The following GLIPR1L1 variants were observed in gnomAD, a reference collection of about 807,000 sequenced individuals.
GLIPR1L1 encodes GLIPR1 like 1, also known as GLIPR1-like protein 1.
A neutral mutation model predicts 29.9 loss-of-function variants in GLIPR1L1; 26 were observed. The observed-to-expected ratio is 0.87, with a 90% CI of 0.64 to 1.21. GLIPR1L1 has a LOEUF of 1.21. Ranked by LOEUF, GLIPR1L1 falls within the 50% of genes most tolerant of loss-of-function variation. GLIPR1L1 has a pLI of 0.00. For synonymous variants in GLIPR1L1, 77 were observed against 97.5 expected, an observed-to-expected ratio of 0.79 and a Z score of 1.24; for missense variants, 305 against 290.3, an observed-to-expected ratio of 1.05 and a Z score of -0.37.
intron 3 of GLIPR1L1, chr12:75,360,605 G>A (rs1287839388): frequency 3.3e-5 from 5 of 152,174 alleles, no homozygotes; most frequent in Non-Finnish European, 7.3e-5. Context: ...GGTTCCCATG[G>A]CCTTAGGCAG....
intron 1 of GLIPR1L1, among the ~76,000 whole-genome samples, chr12:75,339,661 CG>C: frequency 6.6e-6 from 1 of 151,930 alleles, no homozygotes; most frequent in Non-Finnish European, 1.5e-5. Context: ...AATATTTGCC[CG>C]TGCCTATGTC....
intron 3 of GLIPR1L1, among the ~76,000 whole-genome samples, chr12:75,362,382 A>G (rs1234012844): frequency 2.0e-5 from 3 of 152,318 alleles, no homozygotes; most frequent in Admixed American, 1.3e-4. Flanking sequence ...GGGCCATGGT[A>G]TTCTCATGCA....
chr12:75,369,961 GAC>G lies in GLIPR1L1; in HGVS notation c.613_614del (p.Thr205SerfsTer7). ...EEKCVKNLCR[T>X]PQLIIPNQNP... Reference sequence around the variant, plus strand: ...TATTAACTTTAATTTTTACTTTAGGGACTCCACAACTTATTATACCTAACCGT... The same window carrying G: ...TATTAACTTTAATTTTTACTTTAGGGTCCACAACTTATTATACCTAACCGT... On this transcript the variant is annotated frameshift_variant and splice_region_variant, in exon 5 of 6. Coordinates refer to ENST00000378695, the MANE Select transcript of GLIPR1L1 (RefSeq NM_001304964.2). LOFTEE classifies it low-confidence loss of function (END_TRUNC). 2 of 1,090,252 alleles carry G rather than the reference GAC, an allele frequency of 1.8e-6. No homozygotes were observed. The highest frequency in any genetic ancestry group is 2.6e-6 in the Non-Finnish European group (2 of 775,484). 67.5% of individuals were successfully genotyped at this position (1,090,252 alleles called of 1,614,324 possible).
intron 4 of GLIPR1L1, chr12:75,369,645 T>C (rs2044225840): frequency 1.0e-6 from 1 of 984,688 alleles, no homozygotes; most frequent in African/African-American, 1.7e-5. Flanking sequence ...ATTACGTTTC[T>C]TCAGGGACGT....
chr12:75,350,423 C>T (rs891801734), intron 3 of GLIPR1L1, among the ~76,000 whole-genome samples: 2 of 152,288 alleles, frequency 1.3e-5, no homozygotes, highest in African/African-American at 4.8e-5. Context: ...GGTCTCCAGG[C>T]ACTGCATACA....
chr12:75,345,651 A>G (rs1016633240), intron 2 of GLIPR1L1, among the ~76,000 whole-genome samples: 2 of 152,182 alleles, frequency 1.3e-5, no homozygotes, highest in African/African-American at 4.8e-5. Context: ...ATCAGGAAAA[A>G]TGTTGGTAAA....
chr12:75,349,960 G>A (rs752653650), intron 3 of GLIPR1L1, among the ~76,000 whole-genome samples: 8 of 152,222 alleles, frequency 5.3e-5, no homozygotes, highest in Non-Finnish European at 1.0e-4. Context: ...TGGCCAGCGG[G>A]GCAGGCTGGA....
chr12:75,354,747 A>C (rs1327986745), intron 3 of GLIPR1L1, among the ~76,000 whole-genome samples: 1 of 152,252 alleles, frequency 6.6e-6, no homozygotes, highest in Admixed American at 6.5e-5. Flanking sequence ...AGGCTACAGT[A>C]ACCAAAACAG....
At chr12:75,367,268 GAAAAAA>G (rs35250320) in intron 4 of GLIPR1L1, among the ~76,000 whole-genome samples, 1 of 88,734 alleles carries the variant, frequency 1.1e-5, no homozygotes, top group Non-Finnish European at 2.1e-5. Context: ...TTCCTAGGAG[GAAAAAA>G]AAAAAAAAAA....
chr12:75,334,927 C>A (rs751236331), intron 1 of GLIPR1L1, 25 bp downstream of exon 1: 1 of 1,601,960 alleles, frequency 6.2e-7, no homozygotes, highest in African/African-American at 1.3e-5. Context: ...GGGCTGGGCT[C>A]TTAAATCCCT....
intron 4 of GLIPR1L1, among the ~76,000 whole-genome samples, chr12:75,365,415 A>T (rs1005846959): frequency 6.6e-6 from 1 of 152,224 alleles, no homozygotes; most frequent in Non-Finnish European, 1.5e-5. Context: ...ATAAAAAATT[A>T]TAACCTGATA....
chr12:75,338,850 T>C (rs1317393885), intron 1 of GLIPR1L1, among the ~76,000 whole-genome samples: 1 of 152,182 alleles, frequency 6.6e-6, no homozygotes, highest in Non-Finnish European at 1.5e-5. Context: ...GAACATGTGG[T>C]GTTTGGTTTT....
chr12:75,349,845 C>T (rs931631647), intron 3 of GLIPR1L1, among the ~76,000 whole-genome samples: 1 of 152,124 alleles, frequency 6.6e-6, no homozygotes, highest in Admixed American at 6.5e-5. Flanking sequence ...AAAAAATTAT[C>T]CAAGATAGAA....
At chr12:75,353,576 G>A (rs1451699804) in intron 3 of GLIPR1L1, among the ~76,000 whole-genome samples, 1 of 152,178 alleles carries the variant, frequency 6.6e-6, no homozygotes, top group Non-Finnish European at 1.5e-5. Flanking sequence ...ACAAAGAGGA[G>A]CTGATACCCT....
chr12:75,349,057 G>C (rs928682749), intron 3 of GLIPR1L1, among the ~76,000 whole-genome samples: 4 of 151,808 alleles, frequency 2.6e-5, no homozygotes, highest in Non-Finnish European at 5.9e-5. Context: ...GAGTACCAGA[G>C]AAAAGAGAAC....
chr12:75,355,010 C>G (rs1439993891), intron 3 of GLIPR1L1, among the ~76,000 whole-genome samples: 1 of 152,020 alleles, frequency 6.6e-6, no homozygotes, highest in Non-Finnish European at 1.5e-5. Flanking sequence ...AATATAAAAC[C>G]CAAAACTATA....
At chr12:75,366,120 G>A (rs1329383108) in intron 4 of GLIPR1L1, among the ~76,000 whole-genome samples, 1 of 152,104 alleles carries the variant, frequency 6.6e-6, no homozygotes, top group East Asian at 1.9e-4. Context: ...AACTTGAAAA[G>A]CATGTGGGCT....
At chr12:75,344,497 A>G (rs2042320765) in intron 2 of GLIPR1L1, among the ~76,000 whole-genome samples, 1 of 152,100 alleles carries the variant, frequency 6.6e-6, no homozygotes, top group African/African-American at 2.4e-5. Flanking sequence ...CAATGAATAT[A>G]CCTAATATGT....
chr12:75,339,511 A>G (rs548514629), intron 1 of GLIPR1L1, among the ~76,000 whole-genome samples: 2 of 152,166 alleles, frequency 1.3e-5, no homozygotes, highest in Middle Eastern at 6.8e-3. Flanking sequence ...AGATGGATAG[A>G]TTGCTAAAAT....
Sources: allele counts gnomAD v4.1 joint callset (sites outside exome capture counted in the v4.1 genomes callset), GRCh38; gene constraint gnomAD v4.1.1; transcripts MANE v1.5; gene names NCBI Gene and HGNC (gene_info 2026-07-23, HGNC 2026-07-21).